Variants in HBS1L observed in about 807,000 individuals in gnomAD.
The protein encoded by HBS1L is HBS1 like translational GTPase.
A neutral mutation model predicts 88.9 loss-of-function variants in HBS1L; 55 were observed. The ratio of observed to expected loss-of-function variants is 0.62; its 90% CI spans 0.50 to 0.77. HBS1L has a LOEUF of 0.77. Ranked by LOEUF, HBS1L falls within the 30% of genes least tolerant of loss-of-function variation. The pLI is 0.00. For synonymous variants in HBS1L, 267 were observed against 288.5 expected (o/e 0.93, Z 0.76); for missense variants, 741 against 829.3 (o/e 0.89, Z 1.31).
At chr6:134,965,386 T>C in intron 17 of HBS1L, 96 bp from the exon 18 acceptor site, 2 of 841,084 alleles carry the variant, frequency 2.4e-6, no homozygotes, top group South Asian at 3.1e-5. Flanking sequence ...AATTATTATA[T>C]CAAGAGAAAA....
Position 134,997,638 on chromosome 6 carries a change from A to G in HBS1L, c.558T>C (p.Asn186=), listed in dbSNP as rs1583091180. The G allele has an allele frequency of 6.2e-7, 1 of 1,613,874 alleles. No individual in the cohort carries two copies. Among genetic ancestry groups the G allele is most frequent in the Non-Finnish European group, 8.5e-7 (1 of 1,179,854 alleles). Reference sequence around the variant, plus strand: ...TTTGAGGTGTGTGGAAACTATGACCATTTTCTTCAGAAGATACTCTACAGA... The same window carrying G: ...TTTGAGGTGTGTGGAAACTATGACCGTTTTCTTCAGAAGATACTCTACAGA... ...FEVPGVSSEE[N]GHSFHTPQKG... Residue 186 remains asparagine (N), a synonymous_variant, in exon 6 of 18, where the codon AAT becomes AAC. Transcript: ENST00000367837.
At chr6:135,024,482 A>G (rs1052727859) in intron 4 of HBS1L, among the ~76,000 whole-genome samples, 11 of 147,144 alleles carry the variant, frequency 7.5e-5, no homozygotes, top group African/African-American at 2.7e-4. Context: ...AGAATGATGT[A>G]TGAATTTTAA....
chr6:135,045,118 T>C (rs1222192572), intron 2 of HBS1L, among the ~76,000 whole-genome samples: 3 of 134,364 alleles, frequency 2.2e-5, no homozygotes, highest in Non-Finnish European at 4.7e-5. Context: ...GCTGCAAAAG[T>C]AACCGCAGGT....
At chr6:135,006,976 T>TTATA (rs1775632162) in intron 4 of HBS1L, among the ~76,000 whole-genome samples, 1 of 152,176 alleles carries the variant, frequency 6.6e-6, no homozygotes, top group Non-Finnish European at 1.5e-5. Context: ...CAACTTCCTG[T>TTATA]TATAGTTCAT....
rs747997372 is a variant in HBS1L at position 134,978,648 on chromosome 6, A to AACAGGAATAATAAAACATTTTGGAACTT, written c.1797+3_1797+30dup. The stretch of plus-strand genomic sequence containing the variant: ...GATAAAGTTACTTTGAATTTATAAA[A>AACAGGAATAATAAAACATTTTGGAACTT]ACAGGAATAATAAAACATTTTGGAA... On this transcript the variant is annotated intron_variant, in intron 15 of 17. Transcript: ENST00000367837. 2.5e-6 allele frequency: 3 copies of AACAGGAATAATAAAACATTTTGGAACTT among 1,204,918 alleles called. No homozygotes were observed. The African/African-American group carries it at 4.6e-5, about 18-fold the overall frequency. 74.6% of individuals were successfully genotyped at this position (1,204,918 alleles called of 1,614,324 possible).
chr6:135,000,991 G>C (rs1583095962), intron 5 of HBS1L, among the ~76,000 whole-genome samples: 1 of 152,144 alleles, frequency 6.6e-6, no homozygotes, highest in African/African-American at 2.4e-5. Flanking sequence ...GGTTGGCCTT[G>C]AGCACTATTA....
chr6:135,038,699 T>C (rs1335531676), intron 4 of HBS1L, among the ~76,000 whole-genome samples: 6 of 152,234 alleles, frequency 3.9e-5, no homozygotes, highest in Admixed American at 2.6e-4. Flanking sequence ...AATATAATGC[T>C]ACCACCTCAG....
intron 15 of HBS1L, among the ~76,000 whole-genome samples, chr6:134,976,699 T>G (rs1269784752): frequency 6.6e-6 from 1 of 151,964 alleles, no homozygotes; most frequent in Non-Finnish European, 1.5e-5. Context: ...GGAGCTAAGC[T>G]ATGGGTACAC....
At chr6:134,986,684 C>T in intron 10 of HBS1L, 52 bp downstream of exon 10, 2 of 888,180 alleles carry the variant, frequency 2.3e-6, no homozygotes, top group Non-Finnish European at 3.4e-6. Context: ...CCTCTCATAC[C>T]AGTAAGATGA....
intron 4 of HBS1L, among the ~76,000 whole-genome samples, chr6:135,017,195 AG>A (rs1048665565): frequency 1.3e-5 from 2 of 152,168 alleles, no homozygotes; most frequent in African/African-American, 2.4e-5. Flanking sequence ...TGGCCTTTTA[AG>A]GTTTATCTCC....
intron 4 of HBS1L, chr6:135,037,681 T>C (rs1194137782): frequency 2.6e-6 from 4 of 1,550,728 alleles, no homozygotes; most frequent in African/African-American, 2.7e-5. Flanking sequence ...CAAATCGGCA[T>C]CTAGGTTCTT....
At chr6:135,008,868 C>T (rs1404696731) in intron 4 of HBS1L, among the ~76,000 whole-genome samples, 1 of 152,080 alleles carries the variant, frequency 6.6e-6, no homozygotes, top group Admixed American at 6.5e-5. Flanking sequence ...CAGTGCTCTG[C>T]CTACAGTAAG....
intron 15 of HBS1L, among the ~76,000 whole-genome samples, chr6:134,978,372 T>G (rs1386268080): frequency 1.3e-5 from 2 of 152,124 alleles, no homozygotes; most frequent in African/African-American, 4.8e-5. Flanking sequence ...TAGAAGTAAG[T>G]AAACTTTAGA....
chr6:134,977,264 T>G (rs1454086906), intron 15 of HBS1L, among the ~76,000 whole-genome samples: 1 of 152,036 alleles, frequency 6.6e-6, no homozygotes, highest in African/African-American at 2.4e-5. Context: ...GGAGACAGTA[T>G]TACTATTCAA....
intron 2 of HBS1L, 134 bp from the exon 3 acceptor site, chr6:135,042,260 C>T: frequency 4.4e-6 from 3 of 674,820 alleles, no homozygotes; most frequent in Admixed American, 3.0e-5. Context: ...GGGATGAAAA[C>T]AAAAACAATA....
rs192484231 is a variant in HBS1L, at chr6:135,016,106, G to C, written c.431-13264C>G. On this transcript the variant is annotated intron_variant, in intron 4 of 17. Transcript: ENST00000367837. Reference sequence around the variant, plus strand: ...TCACCATGTTGGCCAGGCTGGTCTCGAACTCCCAACCTCAGGTGATCCGCC... The same window carrying C: ...TCACCATGTTGGCCAGGCTGGTCTCCAACTCCCAACCTCAGGTGATCCGCC... Among the ~76,000 whole-genome samples the C allele has an allele frequency of 5.0e-3, 761 of 151,956 alleles. 4 individuals carry two copies. The highest frequency in any genetic ancestry group is 0.017 in the African/African-American group (720 of 41,460).
chr6:134,974,541 T>C (rs544040392), intron 15 of HBS1L, among the ~76,000 whole-genome samples: 3 of 151,962 alleles, frequency 2.0e-5, no homozygotes, highest in Non-Finnish European at 4.4e-5. Flanking sequence ...TCCAACAGCA[T>C]ATCCAAAAGA....
At chr6:135,010,726 G>C (rs984183119) in intron 4 of HBS1L, among the ~76,000 whole-genome samples, 1 of 152,060 alleles carries the variant, frequency 6.6e-6, no homozygotes, top group East Asian at 1.9e-4. Flanking sequence ...GACTATTTTG[G>C]GGGGGAAAAT....
chr6:134,970,255 T>A (rs1050946184), intron 15 of HBS1L, among the ~76,000 whole-genome samples: 1 of 152,034 alleles, frequency 6.6e-6, no homozygotes, highest in African/African-American at 2.4e-5. Flanking sequence ...GCCTCAGCCC[T>A]TACAGCAGCT....
Sources: gnomAD v4.1 joint callset for allele counts (sites outside exome capture counted in the v4.1 genomes callset) on GRCh38, gnomAD v4.1.1 for gene constraint, MANE v1.5 for transcripts, NCBI Gene and HGNC (gene_info 2026-07-23, HGNC 2026-07-21) for gene names.